GARIN1A: variants seen among roughly 807,000 people sequenced by gnomAD.
GARIN1A encodes the protein golgi associated RAB2 interactor 1A, also known as Golgi-associated RAB2 interactor protein 1A.
the GARIN1A span, among the ~76,000 whole-genome samples, chr7:128,689,884 G>A: frequency 6.6e-6 from 1 of 152,252 alleles, no homozygotes. Flanking sequence ...CCCTCTGCCC[G>A]GCCACCACCC....
chr7:128,683,102 G>A, the GARIN1A span: 4 of 1,612,534 alleles, frequency 2.5e-6, no homozygotes, highest in Admixed American at 5.0e-5. Context: ...ACTGGAATGA[G>A]CACCTTCTAC....
the GARIN1A span, among the ~76,000 whole-genome samples, chr7:128,681,881 A>ACC: frequency 1.9e-3 from 236 of 127,126 alleles, 1 homozygote; most frequent in Non-Finnish European, 2.7e-3. Flanking sequence ...GCCACACTGC[A>ACC]CCCCCCCCCA....
the GARIN1A span, among the ~76,000 whole-genome samples, chr7:128,705,508 CAGA>C: frequency 1.3e-5 from 2 of 152,042 alleles, no homozygotes; most frequent in African/African-American, 4.8e-5. Context: ...TTCTATAATT[CAGA>C]AGGTTTTCCA....
chr7:128,697,489 C>G, the GARIN1A span: 1 of 152,354 alleles, frequency 6.6e-6, no homozygotes, highest in African/African-American at 2.4e-5. Context: ...ATCTCGGAAG[C>G]TAAGCAGGGT....
At chr7:128,703,651 C>G in the GARIN1A span, among the ~76,000 whole-genome samples, 1 of 152,022 alleles carries the variant, frequency 6.6e-6, no homozygotes, top group Non-Finnish European at 1.5e-5. Context: ...GGTGGAGCAG[C>G]TTATAGTCCT....
the GARIN1A span, among the ~76,000 whole-genome samples, chr7:128,692,221 A>G: frequency 1.3e-5 from 2 of 152,286 alleles, no homozygotes; most frequent in African/African-American, 4.8e-5. Flanking sequence ...TGCGTAGGGA[A>G]ACGTGCCAGC....
the GARIN1A span, among the ~76,000 whole-genome samples, chr7:128,688,467 TTTC>T: frequency 6.6e-6 from 1 of 152,226 alleles, no homozygotes; most frequent in Non-Finnish European, 1.5e-5. Context: ...GTTTTAGTTC[TTTC>T]TGCTTCTTGG....
the GARIN1A span, among the ~76,000 whole-genome samples, chr7:128,701,066 A>G: frequency 3.3e-5 from 5 of 151,870 alleles, no homozygotes; most frequent in Non-Finnish European, 2.9e-5. Context: ...ACATGCAGCC[A>G]GTACCATATT....
At chr7:128,677,528 C>A in the GARIN1A span, 135 of 1,245,208 alleles carry the variant, frequency 1.1e-4, no homozygotes, top group Non-Finnish European at 1.3e-4. Flanking sequence ...AAAGAAACCA[C>A]GGGCTCTCCC....
At chr7:128,697,160 A>T in the GARIN1A span, among the ~76,000 whole-genome samples, 5 of 152,120 alleles carry the variant, frequency 3.3e-5, no homozygotes, top group African/African-American at 1.2e-4. Flanking sequence ...GTTGGGATTC[A>T]CTCTGAGTGG....
chr7:128,708,137 C>G, the GARIN1A span, among the ~76,000 whole-genome samples: 1 of 151,480 alleles, frequency 6.6e-6, no homozygotes, highest in Non-Finnish European at 1.5e-5. Context: ...CTCAGCCTCT[C>G]AGGTAGCTGG....
the GARIN1A span, chr7:128,677,753 G>A: frequency 5.8e-5 from 94 of 1,613,692 alleles, no homozygotes; most frequent in East Asian, 1.9e-3. Flanking sequence ...CCAAAGACCC[G>A]AGAATCAAAT....
chr7:128,675,636 T>A, the GARIN1A span: 1 of 1,608,816 alleles, frequency 6.2e-7, no homozygotes. Context: ...CCTTGTTTTC[T>A]GCTCCTTTCT....
the GARIN1A span, among the ~76,000 whole-genome samples, chr7:128,680,930 T>G: frequency 6.6e-6 from 1 of 152,260 alleles, no homozygotes; most frequent in Admixed American, 6.5e-5. Context: ...CAAAGTCTCA[T>G]TAATTTACTA....
the GARIN1A span, chr7:128,686,240 C>T: frequency 6.6e-6 from 1 of 152,000 alleles, no homozygotes; most frequent in Non-Finnish European, 1.5e-5. Flanking sequence ...AATAGTAACC[C>T]CAATTGGTCT....
the GARIN1A span, among the ~76,000 whole-genome samples, chr7:128,708,615 T>C: frequency 3.3e-5 from 5 of 152,232 alleles, no homozygotes; most frequent in Admixed American, 6.5e-5. Context: ...CTTCTCCAAT[T>C]TGGGGAGAGG....
the GARIN1A span, among the ~76,000 whole-genome samples, chr7:128,704,366 A>G: frequency 6.6e-6 from 1 of 150,434 alleles, no homozygotes; most frequent in African/African-American, 2.5e-5. Flanking sequence ...GTGCAGTGGC[A>G]CCATCTCGGC....
chr7:128,689,398 C>T, the GARIN1A span, among the ~76,000 whole-genome samples: 2 of 151,380 alleles, frequency 1.3e-5, no homozygotes, highest in Admixed American at 6.6e-5. Flanking sequence ...ATGTGGGGAG[C>T]GCCTCTGCCC....
the GARIN1A span, among the ~76,000 whole-genome samples, chr7:128,694,533 CA>C: frequency 4.1e-4 from 49 of 119,144 alleles, no homozygotes; most frequent in East Asian, 3.6e-3. Context: ...GACTCTGTCT[CA>C]AAAAAAAAAA....
Sources: allele counts gnomAD v4.1 joint callset (sites outside exome capture counted in the v4.1 genomes callset), GRCh38; gene constraint gnomAD v4.1.1; transcripts MANE v1.5; gene names NCBI Gene and HGNC (gene_info 2026-07-23, HGNC 2026-07-21).